Variants in TM4SF20 observed in about 807,000 individuals in gnomAD.
The protein encoded by TM4SF20 is transmembrane 4 L6 family member 20.
TM4SF20 carries 13 observed loss-of-function variants against 15.1 expected under a neutral mutation model. The ratio of observed to expected loss-of-function variants is 0.86; its 90% CI spans 0.56 to 1.36. The LOEUF (loss-of-function observed/expected upper bound fraction) is 1.36. Among genes scored for constraint, TM4SF20 ranks in the 40% most tolerant of loss-of-function variants. The pLI is 0.00. For missense variants in TM4SF20, 282 were observed against 268.4 expected, an observed-to-expected ratio of 1.05 and a Z score of -0.35; for synonymous variants, 92 against 96.6, an observed-to-expected ratio of 0.95 and a Z score of 0.28.
Position 227,363,645 on chromosome 2 carries a change from T to A in TM4SF20, c.*79A>T, listed in dbSNP as rs1157631927. 7.0e-7 allele frequency: 1 copy of A among 1,435,032 alleles called. No homozygotes were observed. Among genetic ancestry groups the A allele is most frequent in the Non-Finnish European group, 9.4e-7 (1 of 1,062,188 alleles). 88.9% of individuals were successfully genotyped at this position (1,435,032 alleles called of 1,614,324 possible). On this transcript the variant is annotated 3_prime_UTR_variant, in exon 4 of 4. Transcript: ENST00000304568. ...CGTGAAGGGTTGATTTTTTAAATCATCTCAAAGATGACTTTGAAAACAAGT... is the reference window on the plus strand; with the variant it reads ...CGTGAAGGGTTGATTTTTTAAATCAACTCAAAGATGACTTTGAAAACAAGT...
At chr2:227,364,674 C>T (rs1369203281) in intron 3 of TM4SF20, among the ~76,000 whole-genome samples, 1 of 152,132 alleles carries the variant, frequency 6.6e-6, no homozygotes, top group Non-Finnish European at 1.5e-5. Context: ...ATTTTCAGCA[C>T]ATGGAATATG....
At chr2:227,372,067 T>C (rs1251240385) in intron 1 of TM4SF20, among the ~76,000 whole-genome samples, 1 of 152,206 alleles carries the variant, frequency 6.6e-6, no homozygotes, top group African/African-American at 2.4e-5. Flanking sequence ...TTCCTTCCGC[T>C]TGAGAAATTT....
chr2:227,367,409 C>T (rs1424345805), intron 2 of TM4SF20, among the ~76,000 whole-genome samples: 1 of 152,084 alleles, frequency 6.6e-6, no homozygotes, highest in Admixed American at 6.6e-5. Flanking sequence ...CACAGTGGCT[C>T]ATGCCTGTAG....
At chr2:227,374,088 TAAAAAA>T (rs79866106) in intron 1 of TM4SF20, among the ~76,000 whole-genome samples, 7 of 85,310 alleles carry the variant, frequency 8.2e-5, no homozygotes, top group East Asian at 3.7e-4. Flanking sequence ...AGACCCTGTC[TAAAAAA>T]AAAAAAAAAA....
intron 3 of TM4SF20, 107 bp from the exon 4 acceptor site, chr2:227,364,119 T>C (rs2076378051): frequency 8.6e-7 from 1 of 1,165,382 alleles, no homozygotes; most frequent in Non-Finnish European, 1.2e-6. Flanking sequence ...TTTTGAAATA[T>C]CGTGCCCAGA....
chr2:227,380,477 A>T (rs1199249769), upstream of TM4SF20, among the ~76,000 whole-genome samples: 1 of 152,212 alleles, frequency 6.6e-6, no homozygotes, highest in African/African-American at 2.4e-5. Context: ...CCACAGTCAC[A>T]GAGGCAGGGT....
intron 1 of TM4SF20, among the ~76,000 whole-genome samples, chr2:227,374,189 C>G (rs1374075262): frequency 2.0e-5 from 3 of 148,174 alleles, no homozygotes; most frequent in African/African-American, 7.5e-5. Flanking sequence ...TGGTAACTTT[C>G]TTGAAGATAA....
At chr2:227,377,983 A>T (rs570972741) in intron 1 of TM4SF20, among the ~76,000 whole-genome samples, 111 of 149,648 alleles carry the variant, frequency 7.4e-4, no homozygotes, top group Non-Finnish European at 1.2e-3. Context: ...CTGAAAACTT[A>T]AAAAAAAAAG....
At chr2:227,380,796 G>A (rs1057084282), upstream of TM4SF20, among the ~76,000 whole-genome samples, 10 of 152,160 alleles carry the variant, frequency 6.6e-5, no homozygotes, top group African/African-American at 1.7e-4. Flanking sequence ...AAGCTCAGGC[G>A]TAGTAGGCTT....
In TM4SF20 at chr2:227,362,240, T is replaced by C. The variant is rs1248459349; in HGVS notation, c.*1484A>G. ...CCTGTTTTTTAAAGATTGGCACATA[T>C]AGAAAATAGCTTTTGAAAGTCTTGG... On this transcript the variant is annotated 3_prime_UTR_variant, in exon 4 of 4. Coordinates refer to ENST00000304568, the MANE Select transcript of TM4SF20 (RefSeq NM_024795.4). 3 of 152,216 alleles carry C rather than the reference T, an allele frequency of 2.0e-5. No individual in the cohort carries two copies. The highest frequency in any genetic ancestry group is 2.9e-5 in the Non-Finnish European group (2 of 68,030). The allele number at this position is 152,216 out of a possible 1,614,324, so 9.4% of individuals were successfully genotyped here.
rs1212799316 is a variant in TM4SF20, at chr2:227,371,131, C to T, written c.184-151G>A. On this transcript the variant is annotated intron_variant, in intron 1 of 3. Coordinates refer to ENST00000304568, the MANE Select transcript of TM4SF20 (RefSeq NM_024795.4). Reference sequence around the variant, plus strand: ...TGGCAATATCCGTGGTTTTGTGAACCTTGTCATCCCAGTTTCAACCAGAAA... The same window carrying T: ...TGGCAATATCCGTGGTTTTGTGAACTTTGTCATCCCAGTTTCAACCAGAAA... 5.7e-6 allele frequency: 4 copies of T among 701,676 alleles called. No homozygotes were observed. The Admixed American group carries it at 6.4e-5, about 11-fold the overall frequency. 43.5% of individuals were successfully genotyped at this position (701,676 alleles called of 1,614,324 possible).
At chr2:227,365,398 G>T (rs1461633855) in intron 3 of TM4SF20, among the ~76,000 whole-genome samples, 1 of 152,150 alleles carries the variant, frequency 6.6e-6, no homozygotes, top group African/African-American at 2.4e-5. Flanking sequence ...TTTTCTTCCA[G>T]TTTTTACAAA....
chr2:227,379,138 G>C lies in TM4SF20; in HGVS notation c.131C>G (p.Pro44Arg). 6.2e-7 allele frequency: 1 copy of C among 1,614,146 alleles called. No individual in the cohort carries two copies. Among genetic ancestry groups the C allele is most frequent in the Non-Finnish European group, 8.5e-7 (1 of 1,180,036 alleles). Residue 44 changes from proline to arginine, a missense_variant, in exon 1 of 4, where the codon CCC becomes CGC. Coordinates refer to ENST00000304568, the MANE Select transcript of TM4SF20 (RefSeq NM_024795.4). ...LVEEDQFSQN[P>R]ISCFEWWFPG... is the part of the protein sequence containing the mutation. ...GAACCACCACTCAAAGCAAGAGATG[G>C]GGTTTTGAGAAAATTGGTCTTCCTC...
Position 227,366,097 on chromosome 2 carries a change from T to A in TM4SF20, c.397A>T (p.Ile133Phe). 1 of 1,612,130 alleles carries A rather than the reference T, an allele frequency of 6.2e-7. No individual in the cohort carries two copies. The highest frequency in any genetic ancestry group is 8.5e-7 in the Non-Finnish European group (1 of 1,179,416). ...NANCEFSLKN[I>F]SDIHPESFNL... ...TGTGAAAATCAAGTTACTTACCTGA[T>A]GTTTTTCAATGAAAATTCACAATTG... is the stretch of plus-strand genomic sequence containing the variant. The change falls in exon 3 of 4, where the codon ATC (isoleucine) becomes TTC (phenylalanine). Residue 133 changes from isoleucine to phenylalanine, a missense_variant. Ile to Phe is a conservative substitution (Grantham distance 21). Transcript: ENST00000304568.
rs2076377650 is a variant in TM4SF20, at chr2:227,364,022, A to G, written c.402-10T>C. The stretch of plus-strand genomic sequence containing the variant: ...TTCTGGATGAATGTCACTGAAAAAC[A>G]AAAGATAAAAATCAGATATTCAGAA... On this transcript the variant is annotated splice_polypyrimidine_tract_variant and intron_variant, in intron 3 of 3. Coordinates refer to ENST00000304568, the MANE Select transcript of TM4SF20 (RefSeq NM_024795.4). 3 of 1,600,514 alleles carry G rather than the reference A, an allele frequency of 1.9e-6. No homozygotes were observed. The highest frequency in any genetic ancestry group is 2.7e-5 in the African/African-American group (2 of 74,190).
intron 1 of TM4SF20, among the ~76,000 whole-genome samples, chr2:227,377,354 G>A (rs1054002243): frequency 2.0e-5 from 3 of 152,198 alleles, no homozygotes; most frequent in African/African-American, 7.2e-5. Flanking sequence ...CAGACACACG[G>A]ATGTACAGTT....
rs1235191347 is a variant in TM4SF20 at position 227,368,942 on chromosome 2, T to C, written c.249+1973A>G. Among the ~76,000 whole-genome samples the C allele has an allele frequency of 2.0e-5, 3 of 152,212 alleles. No individual in the cohort carries two copies. The East Asian group carries it at 5.8e-4, about 29-fold the overall frequency. On this transcript the variant is annotated intron_variant, in intron 2 of 3. Coordinates refer to ENST00000304568, the MANE Select transcript of TM4SF20 (RefSeq NM_024795.4). ...GGCCTCAAAGACACCAGATACGACATAAAAACCAGTTCTTAGAGGATACAC... is the reference window on the plus strand; with the variant it reads ...GGCCTCAAAGACACCAGATACGACACAAAAACCAGTTCTTAGAGGATACAC...
Position 227,368,335 on chromosome 2 carries a change from T to TATATATATA in TM4SF20, c.250-2092_250-2091insTATATATAT, listed in dbSNP as rs1553786651. On this transcript the variant is annotated intron_variant, in intron 2 of 3. Transcript: ENST00000304568. ...ACCACGCCTGGCCGCCATCTATTATTTATATATATATATATATATAATTTT... is the reference window on the plus strand; with the variant it reads ...ACCACGCCTGGCCGCCATCTATTATTATATATATATATATATATATATATATATAATTTT... 1.2e-3 allele frequency among the ~76,000 whole-genome samples: 151 copies of TATATATATA among 122,714 alleles called. 2 individuals carry two copies. In the Middle Eastern group the frequency reaches 0.014, roughly 11 times the overall value. 80.5% of individuals were successfully genotyped at this position (122,714 alleles called of 152,430 possible). A position where few individuals can be genotyped will look rare whatever the true frequency, so the allele number is the denominator to read the frequency against.
intron 1 of TM4SF20, among the ~76,000 whole-genome samples, chr2:227,375,971 C>T (rs2076448462): frequency 6.6e-6 from 1 of 152,132 alleles, no homozygotes; most frequent in African/African-American, 2.4e-5. Context: ...TTTAAAAATA[C>T]TCGAACAAAT....
Sources: gnomAD v4.1 joint callset for allele counts (sites outside exome capture counted in the v4.1 genomes callset) on GRCh38, gnomAD v4.1.1 for gene constraint, MANE v1.5 for transcripts, NCBI Gene and HGNC (gene_info 2026-07-23, HGNC 2026-07-21) for gene names.